Variants in FARP1 observed in about 807,000 individuals in gnomAD.
The protein encoded by FARP1 is FERM, ARH/RhoGEF and pleckstrin domain protein 1, also known as FERM, ARHGEF and pleckstrin domain-containing protein 1.
FARP1 carries 52 observed loss-of-function variants against 128.8 expected under a neutral mutation model. The observed-to-expected ratio is 0.40, with a 90% CI of 0.32 to 0.51. FARP1 has a LOEUF of 0.51. Among genes scored for constraint, FARP1 ranks in the 20% least tolerant of loss-of-function variants. The probability of loss-of-function intolerance (pLI) is 0.45; values close to 1 mark genes in which losing one functional copy is unlikely to be tolerated. For missense variants in FARP1, 1,333 were observed against 1,367.9 expected (o/e 0.97, Z 0.40); for synonymous variants, 580 against 551.8 (o/e 1.05, Z -0.72).
intron 2 of FARP1, among the ~76,000 whole-genome samples, chr13:98,252,141 C>T (rs1322295363): frequency 1.3e-5 from 2 of 152,122 alleles, no homozygotes; most frequent in African/African-American, 2.4e-5. Context: ...AGCCACCGTG[C>T]CCACCTATAT....
chr13:98,374,896 G>A (rs966043725), intron 5 of FARP1, among the ~76,000 whole-genome samples: 1 of 152,162 alleles, frequency 6.6e-6, no homozygotes, highest in Non-Finnish European at 1.5e-5. Flanking sequence ...GAACAGGGAG[G>A]TGCTAGGCTT....
At chr13:98,294,980 G>A (rs902376914) in intron 2 of FARP1, among the ~76,000 whole-genome samples, 1 of 147,994 alleles carries the variant, frequency 6.8e-6, no homozygotes, top group African/African-American at 2.5e-5. Flanking sequence ...TCACACCATT[G>A]CACTCCAGCC....
intron 10 of FARP1, 130 bp from the exon 11 acceptor site, chr13:98,390,682 G>A (rs1373410635): frequency 2.9e-6 from 2 of 683,672 alleles, no homozygotes; most frequent in Non-Finnish European, 2.6e-6. Context: ...TTTAGTCCTG[G>A]CTAGCCAAGC....
At chr13:98,398,464 T>C (rs977481249) in intron 13 of FARP1, 8 of 152,224 alleles carry the variant, frequency 5.3e-5, no homozygotes, top group African/African-American at 1.9e-4. Context: ...AAGCTGAAAC[T>C]GTAACCTCGT....
chr13:98,294,707 A>C (rs1885585629), intron 2 of FARP1, among the ~76,000 whole-genome samples: 1 of 152,256 alleles, frequency 6.6e-6, no homozygotes, highest in Non-Finnish European at 1.5e-5. Context: ...AAAGCATTTT[A>C]TTCTTCAAAA....
intron 10 of FARP1, 41 bp from the exon 11 acceptor site, chr13:98,390,771 C>G (rs1188497803): frequency 6.9e-7 from 1 of 1,453,960 alleles, no homozygotes; most frequent in Non-Finnish European, 9.7e-7. Context: ...ATGAGAATGC[C>G]TTGGTATTTC....
In FARP1 at chr13:98,385,880, T is replaced by A. The variant is rs1010489873; in HGVS notation, c.759+66T>A. 1.7e-4 allele frequency: 263 copies of A among 1,543,306 alleles called. 1 individual carries two copies. The highest frequency in any genetic ancestry group is 6.9e-5 in the Admixed American group (4 of 58,076). ...GAGAGAGAAGAGCTGGCCCTTCAAC[T>A]CTGATTCATATTCAGTGGGCTAAGA... is the stretch of plus-strand genomic sequence containing the variant. On this transcript the variant is annotated intron_variant, in intron 8 of 26. Coordinates refer to ENST00000319562, the MANE Select transcript of FARP1 (RefSeq NM_005766.4).
At chr13:98,423,512 T>G (rs1013275919) in intron 16 of FARP1, among the ~76,000 whole-genome samples, 1 of 152,210 alleles carries the variant, frequency 6.6e-6, no homozygotes, top group African/African-American at 2.4e-5. Context: ...CCAGGTTGAT[T>G]GTTGAAAACC....
chr13:98,152,728 T>C (rs72653389), intron 1 of FARP1, among the ~76,000 whole-genome samples: 14,126 of 150,808 alleles, frequency 0.094, 819 homozygotes, highest in African/African-American at 0.15. Flanking sequence ...TATTTAATAT[T>C]ATCTATGAGA....
chr13:98,173,807 G>A (rs761659927), intron 1 of FARP1, among the ~76,000 whole-genome samples: 9 of 152,198 alleles, frequency 5.9e-5, no homozygotes, highest in African/African-American at 9.7e-5. Flanking sequence ...CGGTAACCAC[G>A]GTGCTAACTT....
chr13:98,434,538 C>T (rs976592007), intron 18 of FARP1: 6 of 152,188 alleles, frequency 3.9e-5, no homozygotes, highest in African/African-American at 7.2e-5. Flanking sequence ...GTATTTCTTG[C>T]TTTTCTTGAC....
At chr13:98,178,346 C>T (rs567049778) in intron 1 of FARP1, among the ~76,000 whole-genome samples, 1 of 152,108 alleles carries the variant, frequency 6.6e-6, no homozygotes, top group South Asian at 2.1e-4. Context: ...CAGGTGTGTG[C>T]CACCACACCC....
chr13:98,325,965 A>G (rs903835972), intron 2 of FARP1, among the ~76,000 whole-genome samples: 6 of 152,256 alleles, frequency 3.9e-5, no homozygotes, highest in African/African-American at 1.4e-4. Flanking sequence ...TCTCCCTGAC[A>G]GGCTTAGAGG....
intron 6 of FARP1, chr13:98,381,688 G>A (rs1247998831): frequency 6.6e-6 from 1 of 152,176 alleles, no homozygotes; most frequent in East Asian, 1.9e-4. Context: ...GTTCCGCGTG[G>A]TAAGGCAGGT....
intron 18 of FARP1, chr13:98,435,264 A>C (rs985396110): frequency 3.0e-5 from 6 of 200,088 alleles, no homozygotes; most frequent in Admixed American, 2.3e-4. Flanking sequence ...CAGGGACAAA[A>C]TTCAAGGCAG....
At position 98,379,257 on chromosome 13, in the gene FARP1, T is replaced by C. The variant is rs9582222; in HGVS notation, c.496+1339T>C. On this transcript the variant is annotated intron_variant, in intron 6 of 26. Coordinates refer to ENST00000319562, the MANE Select transcript of FARP1 (RefSeq NM_005766.4). ...ATATAATCTATATATAATCTATATA[T>C]ATAATCTCATTTAATTCTCCTAACA... is the stretch of plus-strand genomic sequence containing the variant. Among the ~76,000 whole-genome samples the C allele has an allele frequency of 5.2e-3, 705 of 136,002 alleles. 12 individuals are homozygous for C. Among genetic ancestry groups the C allele is most frequent in the African/African-American group, 0.019 (664 of 34,572 alleles). 89.2% of individuals were successfully genotyped at this position (136,002 alleles called of 152,430 possible).
rs58658962 is a variant in FARP1, at chr13:98,373,533, G to GACACACACACACACACACAC, written c.399-4258_399-4239dup. Reference sequence around the variant, plus strand: ...TTGACTTTCCAGAGACAGACAGACAGACACACACACACACACACACACACA... The same window carrying GACACACACACACACACACAC: ...TTGACTTTCCAGAGACAGACAGACAGACACACACACACACACACACACACACACACACACACACACACACA... On this transcript the variant is annotated intron_variant, in intron 5 of 26. Transcript: ENST00000319562. Among the ~76,000 whole-genome samples the GACACACACACACACACACAC allele has an allele frequency of 4.0e-3, 527 of 131,042 alleles. 7 individuals are homozygous for GACACACACACACACACACAC. Among genetic ancestry groups the GACACACACACACACACACAC allele is most frequent in the Middle Eastern group, 0.013 (3 of 240 alleles). 86.0% of individuals were successfully genotyped at this position (131,042 alleles called of 152,430 possible).
chr13:98,149,482 C>T (rs1875818390), intron 1 of FARP1, among the ~76,000 whole-genome samples: 1 of 152,020 alleles, frequency 6.6e-6, no homozygotes, highest in African/African-American at 2.4e-5. Flanking sequence ...AAGTGTGTGC[C>T]TAACTTTATA....
chr13:98,429,593 A>G (rs1891933759), intron 17 of FARP1, among the ~76,000 whole-genome samples: 1 of 152,202 alleles, frequency 6.6e-6, no homozygotes, highest in Non-Finnish European at 1.5e-5. Flanking sequence ...AGTGTACCCC[A>G]GGTTTTAATG....
Sources: allele counts gnomAD v4.1 joint callset (sites outside exome capture counted in the v4.1 genomes callset), GRCh38; gene constraint gnomAD v4.1.1; transcripts MANE v1.5; gene names NCBI Gene and HGNC (gene_info 2026-07-23, HGNC 2026-07-21).